Variants in PCDH17 observed in about 807,000 individuals in gnomAD.
The protein encoded by PCDH17 is protocadherin-17.
PCDH17 carries 21 observed loss-of-function variants against 67.7 expected under a neutral mutation model. That is an observed-to-expected ratio of 0.31 (90% CI 0.22 to 0.45). PCDH17 has a LOEUF of 0.45. Ranked by LOEUF, PCDH17 falls within the 20% of genes least tolerant of loss-of-function variation. The pLI is 1.00. For missense variants in PCDH17, 1,471 were observed against 1,564.8 expected (o/e 0.94, Z 1.01); for synonymous variants, 701 against 656.7 (o/e 1.07, Z -1.03).
Position 57,634,610 on chromosome 13 carries a change from T to G in PCDH17, c.2064T>G (p.Leu688=), listed in dbSNP as rs778427408. Residue 688 remains leucine, a synonymous_variant, in exon 1 of 4, where the codon CTT becomes CTG. Transcript: ENST00000377918. The surrounding 1 kb of genome is among the most constrained non-coding windows in gnomAD (Gnocchi z 7.8). ...TCATCCGCTCGGTGAGCGGATCCCT[T>G]CCCGAGGGGGTACCACGGGTGAATG... ...KLIIRSVSGS[L]PEGVPRVNGE... The G allele has an allele frequency of 8.1e-6, 13 of 1,613,124 alleles. No individual in the cohort carries two copies. The African/African-American group carries it at 1.6e-4, about 20-fold the overall frequency.
Position 57,690,451 on chromosome 13 carries a change from T to G in PCDH17, c.2797+23618T>G, listed in dbSNP as rs77421601. ...GAGTGTAGGAGATTATATTCAAAGG[T>G]TCTTTATCTAATTAGAATGTAAAGA... is the stretch of plus-strand genomic sequence containing the variant. On this transcript the variant is annotated intron_variant, in intron 3 of 3. Transcript: ENST00000377918. Among the ~76,000 whole-genome samples the G allele has an allele frequency of 9.9e-5, 15 of 151,772 alleles. No homozygotes were observed. The East Asian group carries it at 2.9e-3, about 30-fold the overall frequency.
intron 1 of PCDH17, among the ~76,000 whole-genome samples, chr13:57,635,515 T>C (rs1057006075): frequency 6.6e-6 from 1 of 152,158 alleles, no homozygotes; most frequent in Non-Finnish European, 1.5e-5. Context: ...TTTTAAATGA[T>C]GCCAAAAATG....
intron 1 of PCDH17, among the ~76,000 whole-genome samples, chr13:57,640,110 T>C (rs1261120360): frequency 6.6e-6 from 1 of 151,978 alleles, no homozygotes; most frequent in Non-Finnish European, 1.5e-5. Context: ...TTCAAAAATT[T>C]CAGGTAATAT....
At chr13:57,688,422 ACATAATT>A (rs1464585046) in intron 3 of PCDH17, among the ~76,000 whole-genome samples, 1 of 152,114 alleles carries the variant, frequency 6.6e-6, no homozygotes, top group Non-Finnish European at 1.5e-5. Flanking sequence ...ATGACAATTG[ACATAATT>A]GACACATAGT....
intron 3 of PCDH17, among the ~76,000 whole-genome samples, chr13:57,689,963 G>A (rs1955543315): frequency 6.6e-6 from 1 of 151,726 alleles, no homozygotes; most frequent in Non-Finnish European, 1.5e-5. Context: ...TTCTTAAGAA[G>A]TGGCAATAGA....
intron 3 of PCDH17, among the ~76,000 whole-genome samples, chr13:57,683,998 G>A (rs534442974): frequency 2.0e-4 from 30 of 151,936 alleles, no homozygotes; most frequent in East Asian, 5.9e-4. Flanking sequence ...TAAAGAGAGG[G>A]GTAATGTGCC....
chr13:57,670,551 A>G (rs1293825149), intron 3 of PCDH17, among the ~76,000 whole-genome samples: 1 of 149,746 alleles, frequency 6.7e-6, no homozygotes, highest in Non-Finnish European at 1.5e-5. Flanking sequence ...TTATATTTTT[A>G]TATTAGAATA....
At position 57,633,350 on chromosome 13, in the gene PCDH17, C is replaced by T. The variant is rs1593886564; in HGVS notation, c.804C>T (p.Thr268=). ...CAGTGGTCATCGATCTGAACGCCAC[C>T]GACGCCGATGAAGGTCCCAATGGTG... is the stretch of plus-strand genomic sequence containing the variant. ...LGTVVIDLNA[T]DADEGPNGEV... Residue 268 remains threonine (T), a synonymous_variant, in exon 1 of 4, where the codon ACC becomes ACT. Transcript: ENST00000377918. The surrounding 1 kb of genome is among the most constrained non-coding windows in gnomAD (Gnocchi z 6.2). The T allele has an allele frequency of 1.9e-6, 3 of 1,613,150 alleles. No homozygotes were observed. The highest frequency in any genetic ancestry group is 1.6e-4 in the Middle Eastern group (1 of 6,084).
intron 3 of PCDH17, among the ~76,000 whole-genome samples, chr13:57,681,912 T>A (rs556320903): frequency 6.6e-6 from 1 of 151,890 alleles, no homozygotes; most frequent in South Asian, 2.1e-4. Context: ...GATATCTACA[T>A]TATACACACA....
At position 57,634,740 on chromosome 13, in the gene PCDH17, C is replaced by A. The variant is rs766121530; in HGVS notation, c.2194C>A (p.Arg732Ser). Reference sequence around the variant, plus strand: ...GATCACCATCGCCGTCAAGTGCAAGCGCGAGAACAAGGAGATCCGCACTTA... The same window carrying A: ...GATCACCATCGCCGTCAAGTGCAAGAGCGAGAACAAGGAGATCCGCACTTA... ...AMITIAVKCK[R>S]ENKEIRTYNC... is the part of the protein sequence containing the mutation. Residue 732 changes from arginine to serine, a missense_variant, in exon 1 of 4, where the codon CGC (arginine) becomes AGC (serine). Transcript: ENST00000377918. This position sits in a 1 kb window ranked among gnomAD's most constrained non-coding sequence, Gnocchi z 7.8. The A allele has an allele frequency of 1.9e-6, 3 of 1,613,952 alleles. No homozygotes were observed. The highest frequency in any genetic ancestry group is 2.5e-6 in the Non-Finnish European group (3 of 1,180,016).
At chr13:57,677,242 G>A (rs968667032) in intron 3 of PCDH17, among the ~76,000 whole-genome samples, 5 of 151,608 alleles carry the variant, frequency 3.3e-5, no homozygotes, top group Non-Finnish European at 7.4e-5. Context: ...TATTTTCAAA[G>A]AATTTACAGT....
chr13:57,689,056 G>C (rs4254204), intron 3 of PCDH17, among the ~76,000 whole-genome samples: 24,590 of 151,934 alleles, frequency 0.16, 2,054 homozygotes, highest in East Asian at 0.23. Context: ...AAATTCATTT[G>C]TGCTTTCGCA....
Position 57,632,836 on chromosome 13 carries a change from G to A in PCDH17, c.290G>A (p.Arg97His), listed in dbSNP as rs538018813. The A allele has an allele frequency of 2.5e-6, 4 of 1,613,832 alleles. No individual in the cohort carries two copies. The African/African-American group carries it at 4.0e-5, about 16-fold the overall frequency. Reference sequence around the variant, plus strand: ...CGCATCGACCGCGAGTCCCTGTGCCGCCACAATGCCAAGTGCCAGCTGTCC... The same window carrying A: ...CGCATCGACCGCGAGTCCCTGTGCCACCACAATGCCAAGTGCCAGCTGTCC... ...KQRIDRESLC[R>H]HNAKCQLSLE... The change falls in exon 1 of 4, where the codon CGC becomes CAC. Residue 97 changes from arginine (R) to histidine (H), a missense_variant. Arg to His is a conservative substitution (Grantham distance 29). This residue lies in a region of PCDH17 where 1,163 missense variants were observed against 1,230.0 expected (regional missense o/e 0.95). Transcript: ENST00000377918.
chr13:57,694,090 A>C (rs1312788205), intron 3 of PCDH17, among the ~76,000 whole-genome samples: 1 of 151,134 alleles, frequency 6.6e-6, no homozygotes, highest in Non-Finnish European at 1.5e-5. Context: ...GTTAGATGCA[A>C]AATGAAATCA....
chr13:57,660,075 A>G (rs1315434464), intron 1 of PCDH17, among the ~76,000 whole-genome samples: 1 of 152,106 alleles, frequency 6.6e-6, no homozygotes, highest in Non-Finnish European at 1.5e-5. Context: ...TCTATACTAA[A>G]GAAGAAAAAA....
intron 1 of PCDH17, among the ~76,000 whole-genome samples, chr13:57,660,604 T>C (rs189076646): frequency 1.3e-5 from 2 of 152,308 alleles, no homozygotes; most frequent in African/African-American, 4.8e-5. Flanking sequence ...TGTTCATACA[T>C]GTGTAGTTTC....
At chr13:57,685,348 A>G (rs1041781418) in intron 3 of PCDH17, among the ~76,000 whole-genome samples, 1 of 151,954 alleles carries the variant, frequency 6.6e-6, no homozygotes, top group African/African-American at 2.4e-5. Context: ...TGATTCTTCA[A>G]AATGCTATAC....
rs1230570741 is a variant in PCDH17 at position 57,633,245 on chromosome 13, G to A, written c.699G>A (p.Val233=). Residue 233 remains valine, a synonymous_variant, in exon 1 of 4, where the codon GTG becomes GTA. Coordinates refer to ENST00000377918, the MANE Select transcript of PCDH17 (RefSeq NM_001040429.3). The surrounding 1 kb of genome is among the most constrained non-coding windows in gnomAD (Gnocchi z 6.2). Reference sequence around the variant, plus strand: ...CCACCGTACAGATCAACGTGAAGGTGATTGACTCCAACGACAACAGCCCGG... The same window carrying A: ...CCACCGTACAGATCAACGTGAAGGTAATTGACTCCAACGACAACAGCCCGG... The part of the protein sequence containing the change: ...RSATVQINVK[V]IDSNDNSPVF... 6.2e-7 allele frequency: 1 copy of A among 1,613,314 alleles called. No homozygotes were observed. The highest frequency in any genetic ancestry group is 1.7e-5 in the Admixed American group (1 of 60,014).
intron 3 of PCDH17, among the ~76,000 whole-genome samples, chr13:57,712,424 G>A (rs1955784808): frequency 6.6e-6 from 1 of 151,650 alleles, no homozygotes; most frequent in South Asian, 2.1e-4. Context: ...GAAGATTACT[G>A]CTATTTTCCT....
Sources: gnomAD v4.1 joint callset for allele counts (sites outside exome capture counted in the v4.1 genomes callset) on GRCh38, gnomAD v4.1.1 for gene constraint, gnomAD v4.1.1 regional missense constraint, Gnocchi (gnomAD v3.1) non-coding constraint, MANE v1.5 for transcripts, NCBI Gene and HGNC (gene_info 2026-07-23, HGNC 2026-07-21) for gene names.